The following RIT2 variants were observed in gnomAD, a reference collection of about 807,000 sequenced individuals.
RIT2 encodes the protein GTP-binding protein Rit2.
RIT2 carries 24 observed loss-of-function variants against 23.7 expected under a neutral mutation model. The observed-to-expected ratio is 1.01, with a 90% CI of 0.73 to 1.43. The LOEUF (loss-of-function observed/expected upper bound fraction) is 1.43. Among genes scored for constraint, RIT2 ranks in the 40% most tolerant of loss-of-function variants. The probability of loss-of-function intolerance (pLI) is 0.00; values close to 1 mark genes in which losing one functional copy is unlikely to be tolerated. For synonymous variants in RIT2, 107 were observed against 91.1 expected (o/e 1.17, Z -0.99); for missense variants, 236 against 266.9 (o/e 0.88, Z 0.81).
At chr18:42,788,206 T>A (rs1459273462) in intron 4 of RIT2, among the ~76,000 whole-genome samples, 3 of 152,172 alleles carry the variant, frequency 2.0e-5, no homozygotes, top group African/African-American at 7.2e-5. Context: ...TAGATTCTTA[T>A]ATCTGCTTCT....
intron 1 of RIT2, among the ~76,000 whole-genome samples, chr18:43,038,976 CT>C (rs1347891514): frequency 6.6e-6 from 1 of 151,914 alleles, no homozygotes; most frequent in Non-Finnish European, 1.5e-5. Flanking sequence ...TATTGTTTCT[CT>C]TTGTTTTCAA....
At chr18:43,017,948 T>C (rs958083044) in intron 2 of RIT2, among the ~76,000 whole-genome samples, 8 of 152,040 alleles carry the variant, frequency 5.3e-5, no homozygotes, top group Non-Finnish European at 1.2e-4. Flanking sequence ...AAATTGTCTT[T>C]GCAACCTGAT....
chr18:42,939,724 A>G lies in RIT2; in HGVS notation c.235-15961T>C, dbSNP rs574945313. On this transcript the variant is annotated intron_variant, in intron 3 of 4. Transcript: ENST00000326695. ...AGTAACATTAGTATTTATATCTAAA[A>G]CCTGGACTGCAAGCCTGATTACAAA... 3.3e-5 allele frequency among the ~76,000 whole-genome samples: 5 copies of G among 152,262 alleles called. No individual in the cohort carries two copies. The East Asian group carries it at 9.7e-4, about 29-fold the overall frequency.
At chr18:43,045,094 T>C (rs1912215780) in intron 1 of RIT2, among the ~76,000 whole-genome samples, 1 of 152,170 alleles carries the variant, frequency 6.6e-6, no homozygotes, top group African/African-American at 2.4e-5. Flanking sequence ...TCATTTAGGA[T>C]AAACCTCATC....
At chr18:42,786,754 A>T (rs1377813100) in intron 4 of RIT2, among the ~76,000 whole-genome samples, 1 of 152,112 alleles carries the variant, frequency 6.6e-6, no homozygotes, top group Non-Finnish European at 1.5e-5. Context: ...TCTCAATGCT[A>T]TGACTTCGTG....
chr18:42,813,635 G>A (rs1202034481), intron 4 of RIT2, among the ~76,000 whole-genome samples: 1 of 152,094 alleles, frequency 6.6e-6, no homozygotes, highest in Non-Finnish European at 1.5e-5. Flanking sequence ...AAACCATTCA[G>A]TAAAAGAAAT....
intron 4 of RIT2, among the ~76,000 whole-genome samples, chr18:42,891,731 G>T (rs658364): frequency 6.6e-6 from 1 of 152,232 alleles, no homozygotes; most frequent in East Asian, 1.9e-4. Context: ...TGGTTGCTAG[G>T]GGTAAAGGGG....
intron 4 of RIT2, among the ~76,000 whole-genome samples, chr18:42,863,787 A>T (rs888926494): frequency 1.3e-5 from 2 of 152,090 alleles, no homozygotes; most frequent in African/African-American, 2.4e-5. Context: ...GAACACCTCA[A>T]CCCGAATCTC....
chr18:42,757,092 G>A (rs1913182450), intron 4 of RIT2, among the ~76,000 whole-genome samples: 1 of 152,128 alleles, frequency 6.6e-6, no homozygotes, highest in Non-Finnish European at 1.5e-5. Flanking sequence ...TCACTGAATG[G>A]AGACTGAATA....
At chr18:43,009,621 A>G (rs1425763787) in intron 2 of RIT2, among the ~76,000 whole-genome samples, 1 of 151,600 alleles carries the variant, frequency 6.6e-6, no homozygotes, top group Non-Finnish European at 1.5e-5. Context: ...GGTCTTATTA[A>G]AGACAATTTC....
intron 4 of RIT2, among the ~76,000 whole-genome samples, chr18:42,758,245 T>C (rs780734140): frequency 5.9e-5 from 9 of 152,134 alleles, no homozygotes; most frequent in Non-Finnish European, 1.2e-4. Flanking sequence ...ATAAAATACA[T>C]TATAGGTTTA....
At chr18:43,112,733 A>G (rs191450756) in intron 1 of RIT2, among the ~76,000 whole-genome samples, 19 of 152,282 alleles carry the variant, frequency 1.2e-4, no homozygotes, top group Non-Finnish European at 2.9e-5. Flanking sequence ...GTGAGAGCCC[A>G]TCTCTACAAA....
At chr18:42,745,306 A>C (rs475820) in intron 4 of RIT2, among the ~76,000 whole-genome samples, 55,912 of 152,030 alleles carry the variant, frequency 0.37, 12,835 homozygotes, top group Non-Finnish European at 0.5. Context: ...TCATTATTTT[A>C]AGCTGTTGAC....
intron 1 of RIT2, among the ~76,000 whole-genome samples, chr18:43,060,267 T>C (rs1329209643): frequency 1.3e-5 from 2 of 152,102 alleles, no homozygotes; most frequent in Admixed American, 1.3e-4. Flanking sequence ...TGATACCCTG[T>C]CCAGTATTAC....
chr18:43,095,283 G>A (rs1238759222), intron 1 of RIT2, among the ~76,000 whole-genome samples: 1 of 151,980 alleles, frequency 6.6e-6, no homozygotes, highest in East Asian at 1.9e-4. Flanking sequence ...ATCTCATTGT[G>A]GTTTTGATTT....
At chr18:43,096,851 C>T (rs547753618) in intron 1 of RIT2, among the ~76,000 whole-genome samples, 2 of 151,644 alleles carry the variant, frequency 1.3e-5, no homozygotes, top group South Asian at 4.2e-4. Flanking sequence ...ATCATTTATG[C>T]CACAGTTTCT....
intron 4 of RIT2, among the ~76,000 whole-genome samples, chr18:42,855,119 T>A (rs1568013610): frequency 6.6e-6 from 1 of 152,176 alleles, no homozygotes; most frequent in Non-Finnish European, 1.5e-5. Flanking sequence ...TTCTCATTTC[T>A]AAAAAAACAG....
Position 42,974,241 on chromosome 18 carries a change from CTAAGA to C in RIT2, c.161-99_161-95del, listed in dbSNP as rs1159810761. On this transcript the variant is annotated intron_variant, in intron 2 of 4. Transcript: ENST00000326695. ...TATAGAAGAATTTCTAAGTAAGTTA[CTAAGA>C]TAATTAGAAATATTCCTCAAATAAC... 1.3e-5 allele frequency: 10 copies of C among 768,192 alleles called. No homozygotes were observed. The African/African-American group carries it at 1.4e-4, about 11-fold the overall frequency. The allele number at this position is 768,192 out of a possible 1,614,324, so 47.6% of individuals were successfully genotyped here. A position where few individuals can be genotyped will look rare whatever the true frequency, so the allele number is the denominator to read the frequency against.
intron 4 of RIT2, among the ~76,000 whole-genome samples, chr18:42,776,049 T>C (rs1913664448): frequency 6.6e-6 from 1 of 152,148 alleles, no homozygotes; most frequent in Admixed American, 6.5e-5. Flanking sequence ...ATGATAAAAG[T>C]TGGCAGCTGC....
Sources: gnomAD v4.1 joint callset for allele counts (sites outside exome capture counted in the v4.1 genomes callset) on GRCh38, gnomAD v4.1.1 for gene constraint, MANE v1.5 for transcripts, NCBI Gene and HGNC (gene_info 2026-07-23, HGNC 2026-07-21) for gene names.